Variants in NEXN observed in about 807,000 individuals in gnomAD.
NEXN encodes nexilin F-actin binding protein.
In NEXN, 65 loss-of-function variants were observed where a neutral mutation model predicts 92.6. The observed-to-expected ratio is 0.70, with a 90% CI of 0.57 to 0.86. The LOEUF is 0.86. Among genes scored for constraint, NEXN ranks in the 40% least tolerant of loss-of-function variants. The pLI, the probability that NEXN is intolerant of heterozygous loss-of-function variation, is 0.00. For missense variants in NEXN, 778 were observed against 771.1 expected (o/e 1.01, Z -0.11); for synonymous variants, 254 against 242.5 (o/e 1.05, Z -0.44).
intron 1 of NEXN, among the ~76,000 whole-genome samples, chr1:77,896,654 G>A (rs527536405): frequency 6.6e-6 from 1 of 152,148 alleles, no homozygotes; most frequent in South Asian, 2.1e-4. Flanking sequence ...CAGCTACTCG[G>A]GAGGCTGAGG....
At chr1:77,895,560 G>A (rs899008964) in intron 1 of NEXN, among the ~76,000 whole-genome samples, 2 of 151,938 alleles carry the variant, frequency 1.3e-5, no homozygotes, top group Non-Finnish European at 2.9e-5. Context: ...TAAGTATTAC[G>A]TTTAAAATCT....
intron 10 of NEXN, among the ~76,000 whole-genome samples, chr1:77,934,011 A>ATTTTTTTTTTTT (rs71075780): frequency 1.7e-5 from 2 of 114,324 alleles, no homozygotes; most frequent in African/African-American, 3.6e-5. Context: ...CTAATTTTTA[A>ATTTTTTTTTTTT]TTTTTTTTTT....
chr1:77,926,330 A>G, intron 6 of NEXN, 84 bp from the exon 7 acceptor site: 1 of 863,166 alleles, frequency 1.2e-6, no homozygotes, highest in Non-Finnish European at 1.9e-6. Context: ...AGTGTAATGA[A>G]ATTCACCTAT....
intron 5 of NEXN, among the ~76,000 whole-genome samples, chr1:77,920,261 G>A (rs1177165769): frequency 6.6e-6 from 1 of 152,130 alleles, no homozygotes; most frequent in Non-Finnish European, 1.5e-5. Flanking sequence ...ATTTTCCACT[G>A]TACTCCAATA....
intron 11 of NEXN, among the ~76,000 whole-genome samples, chr1:77,939,903 GTC>G (rs995297510): frequency 1.7e-4 from 26 of 148,886 alleles, no homozygotes; most frequent in Admixed American, 1.4e-3. Context: ...GCGAAACCCT[GTC>G]TCTACTAAAA....
At chr1:77,936,867 C>A (rs1164266377) in intron 11 of NEXN, among the ~76,000 whole-genome samples, 1 of 152,070 alleles carries the variant, frequency 6.6e-6, no homozygotes, top group African/African-American at 2.4e-5. Flanking sequence ...AATAAAAGGA[C>A]AGAATGAAGA....
At chr1:77,932,537 A>T (rs963981511) in intron 9 of NEXN, among the ~76,000 whole-genome samples, 2 of 152,204 alleles carry the variant, frequency 1.3e-5, no homozygotes, top group African/African-American at 2.4e-5. Context: ...TTATGAAGAG[A>T]TCATGATGGG....
At chr1:77,906,980 G>C (rs146227869) in intron 1 of NEXN, among the ~76,000 whole-genome samples, 1 of 152,142 alleles carries the variant, frequency 6.6e-6, no homozygotes, top group East Asian at 1.9e-4. Context: ...TTTGATAATA[G>C]TATTTACCTT....
At chr1:77,924,715 A>G (rs751928395) in intron 5 of NEXN, among the ~76,000 whole-genome samples, 1 of 151,590 alleles carries the variant, frequency 6.6e-6, no homozygotes, top group Non-Finnish European at 1.5e-5. Context: ...ACTGGAGTGC[A>G]GTGGCATGAA....
intron 1 of NEXN, among the ~76,000 whole-genome samples, chr1:77,908,711 T>C (rs1265819367): frequency 6.6e-6 from 1 of 152,128 alleles, no homozygotes; most frequent in Non-Finnish European, 1.5e-5. Flanking sequence ...AGTAATACAT[T>C]ATATATGCTC....
At chr1:77,925,081 T>C in intron 5 of NEXN, 107 bp from the exon 6 acceptor site, 2 of 724,656 alleles carry the variant, frequency 2.8e-6, no homozygotes, top group South Asian at 1.7e-5. Flanking sequence ...AAATTATAAA[T>C]TTGAAAATTT....
intron 11 of NEXN, among the ~76,000 whole-genome samples, chr1:77,938,933 T>A (rs757727014): frequency 6.6e-6 from 1 of 152,202 alleles, no homozygotes; most frequent in Admixed American, 6.5e-5. Context: ...GGCTAGTTAA[T>A]GAAAGTCTTT....
rs201763096 is a variant in NEXN, at chr1:77,929,446, A to C, written c.995A>C (p.Glu332Ala). 5,404 of 1,613,478 alleles carry C rather than the reference A, an allele frequency of 3.3e-3. 30 individuals carry two copies. The highest frequency in any genetic ancestry group is 0.013 in the South Asian group (1,176 of 91,054). ...REDEKRKAEE[E>A]ARRRIEEEKK... The stretch of plus-strand genomic sequence containing the variant: ...GATGAAAAAAGGAAAGCAGAAGAAG[A>C]AGCCAGAAGGAGAATAGAGGAAGAA... Residue 332 changes from glutamate (E) to alanine (A), a missense_variant, in exon 9 of 13, where the codon GAA (glutamate) becomes GCA (alanine). Glu to Ala is a moderately radical substitution (Grantham distance 107). Transcript: ENST00000334785.
chr1:77,926,127 A>T (rs560672455), intron 6 of NEXN, among the ~76,000 whole-genome samples: 1 of 152,292 alleles, frequency 6.6e-6, no homozygotes, highest in Admixed American at 6.5e-5. Flanking sequence ...AAATAGCTTA[A>T]TTCAGGCAAT....
At chr1:77,906,059 C>T (rs1648089028) in intron 1 of NEXN, among the ~76,000 whole-genome samples, 1 of 151,908 alleles carries the variant, frequency 6.6e-6, no homozygotes, top group Non-Finnish European at 1.5e-5. Context: ...GGGCAAACAA[C>T]ATCTAAGAGG....
intron 9 of NEXN, among the ~76,000 whole-genome samples, chr1:77,932,213 A>C (rs973107510): frequency 1.3e-5 from 2 of 152,216 alleles, no homozygotes; most frequent in Non-Finnish European, 2.9e-5. Context: ...GGCATGAGCC[A>C]CTGTGCCCGG....
chr1:77,915,270 G>A (rs1037274019), intron 1 of NEXN, among the ~76,000 whole-genome samples: 1 of 152,008 alleles, frequency 6.6e-6, no homozygotes, highest in Non-Finnish European at 1.5e-5. Context: ...CTGTCATTGT[G>A]CCACTGTACT....
chr1:77,939,829 T>C (rs573482927), intron 11 of NEXN, among the ~76,000 whole-genome samples: 109 of 152,320 alleles, frequency 7.2e-4, no homozygotes, highest in African/African-American at 2.5e-3. Context: ...TTCCCAGCAC[T>C]TTGGGAGGCG....
At chr1:77,925,784 A>G (rs563148317) in intron 6 of NEXN, among the ~76,000 whole-genome samples, 1 of 152,272 alleles carries the variant, frequency 6.6e-6, no homozygotes, top group East Asian at 1.9e-4. Context: ...ATTTTATCTC[A>G]GGGCCATGTG....
Sources: gnomAD v4.1 joint callset for allele counts (sites outside exome capture counted in the v4.1 genomes callset) on GRCh38, gnomAD v4.1.1 for gene constraint, MANE v1.5 for transcripts, NCBI Gene and HGNC (gene_info 2026-07-23, HGNC 2026-07-21) for gene names.